Variants in FGF12 observed in about 807,000 individuals in gnomAD.
FGF12 encodes fibroblast growth factor 12, also known as fibroblast growth factor 12B.
In FGF12, 14 loss-of-function variants were observed where a neutral mutation model predicts 23.6. The ratio of observed to expected loss-of-function variants is 0.59; its 90% CI spans 0.39 to 0.93. FGF12 has a LOEUF of 0.93. Among genes scored for constraint, FGF12 ranks in the 40% least tolerant of loss-of-function variants. The pLI, the probability that FGF12 is intolerant of heterozygous loss-of-function variation, is 0.00. For synonymous variants in FGF12, 62 were observed against 77.3 expected (o/e 0.80, Z 1.04); for missense variants, 175 against 217.8 (o/e 0.80, Z 1.24).
At chr3:192,185,516 T>TTTACA (rs1716406489) in intron 4 of FGF12, among the ~76,000 whole-genome samples, 1 of 152,016 alleles carries the variant, frequency 6.6e-6, no homozygotes, top group African/African-American at 2.4e-5. Context: ...AACTCAACTG[T>TTTACA]TTACATTTTC....
At chr3:192,594,754 G>A (rs1320722062) in intron 2 of FGF12, among the ~76,000 whole-genome samples, 1 of 151,890 alleles carries the variant, frequency 6.6e-6, no homozygotes, top group Admixed American at 6.6e-5. Context: ...TTATGATGCC[G>A]TAAGAAGGTT....
chr3:192,276,214 ACG>A (rs1198378967), intron 4 of FGF12, among the ~76,000 whole-genome samples: 2 of 129,092 alleles, frequency 1.5e-5, no homozygotes, highest in South Asian at 3.1e-4. Flanking sequence ...AATATAGTCC[ACG>A]TGTTTAAGCA....
intron 2 of FGF12, among the ~76,000 whole-genome samples, chr3:192,485,895 T>G (rs1278646903): frequency 6.6e-6 from 1 of 152,194 alleles, no homozygotes; most frequent in Non-Finnish European, 1.5e-5. Flanking sequence ...CTGTATAGAC[T>G]TGTTTATAAT....
chr3:192,317,830 G>C (rs1256354571), intron 4 of FGF12, among the ~76,000 whole-genome samples: 1 of 152,170 alleles, frequency 6.6e-6, no homozygotes, highest in Non-Finnish European at 1.5e-5. Context: ...AGTGGTGGTG[G>C]CCACAGGGGT....
At chr3:192,418,525 G>T (rs1721424215) in intron 2 of FGF12, among the ~76,000 whole-genome samples, 1 of 152,068 alleles carries the variant, frequency 6.6e-6, no homozygotes, top group Non-Finnish European at 1.5e-5. Context: ...CGAAGGATAG[G>T]GTAGGGAATA....
At chr3:192,512,821 A>T (rs1206520298) in intron 2 of FGF12, among the ~76,000 whole-genome samples, 2 of 45,496 alleles carry the variant, frequency 4.4e-5, no homozygotes, top group Admixed American at 2.3e-4. Flanking sequence ...TTAAACCTAG[A>T]GTATACTCAA....
At chr3:192,524,236 G>C (rs937591962) in intron 2 of FGF12, among the ~76,000 whole-genome samples, 1 of 152,130 alleles carries the variant, frequency 6.6e-6, no homozygotes, top group Non-Finnish European at 1.5e-5. Flanking sequence ...TTGATAATAG[G>C]CATAGAAATT....
chr3:192,544,484 AT>A (rs897035511), intron 2 of FGF12, among the ~76,000 whole-genome samples: 2 of 152,136 alleles, frequency 1.3e-5, no homozygotes, highest in Admixed American at 1.3e-4. Flanking sequence ...TGATATTTTA[AT>A]TTTTAGAAGG....
intron 4 of FGF12, among the ~76,000 whole-genome samples, chr3:192,330,354 A>C (rs1717043400): frequency 6.6e-6 from 1 of 152,170 alleles, no homozygotes; most frequent in African/African-American, 2.4e-5. Context: ...TGGTAATCGA[A>C]CAGTATGGTA....
intron 4 of FGF12, among the ~76,000 whole-genome samples, chr3:192,181,588 T>C (rs1353346003): frequency 6.6e-6 from 1 of 151,228 alleles, no homozygotes; most frequent in Non-Finnish European, 1.5e-5. Context: ...GTAGAAAAGA[T>C]CACAAGGTCG....
At chr3:192,660,054 C>T (rs1560185097) in intron 2 of FGF12, among the ~76,000 whole-genome samples, 1 of 151,916 alleles carries the variant, frequency 6.6e-6, no homozygotes, top group Admixed American at 6.6e-5. Flanking sequence ...TAAAGACACA[C>T]ACACACGTAT....
At chr3:192,228,818 AAG>A (rs1718869070) in intron 4 of FGF12, among the ~76,000 whole-genome samples, 1 of 152,248 alleles carries the variant, frequency 6.6e-6, no homozygotes, top group Non-Finnish European at 1.5e-5. Flanking sequence ...TACAGGATTT[AAG>A]AAATTATTCC....
intron 2 of FGF12, among the ~76,000 whole-genome samples, chr3:192,493,570 A>T (rs1723863527): frequency 6.6e-6 from 1 of 152,154 alleles, no homozygotes. Flanking sequence ...AAGTGGTTTA[A>T]TTGGCTCACA....
At chr3:192,698,251 C>T (rs1173684705) in intron 2 of FGF12, among the ~76,000 whole-genome samples, 2 of 152,158 alleles carry the variant, frequency 1.3e-5, no homozygotes, top group Non-Finnish European at 2.9e-5. Context: ...AATGTGCATG[C>T]TCATCAAAAC....
At chr3:192,288,517 A>G (rs1714583034) in intron 4 of FGF12, among the ~76,000 whole-genome samples, 1 of 152,072 alleles carries the variant, frequency 6.6e-6, no homozygotes, top group South Asian at 2.1e-4. Flanking sequence ...GATGAAATTT[A>G]TATTTAAAAT....
At chr3:192,465,554 G>A (rs1722986452) in intron 2 of FGF12, among the ~76,000 whole-genome samples, 1 of 152,160 alleles carries the variant, frequency 6.6e-6, no homozygotes, top group Non-Finnish European at 1.5e-5. Flanking sequence ...TGGAAACTTG[G>A]TCGATGGAGA....
At chr3:192,446,914 C>T (rs1722371051) in intron 2 of FGF12, among the ~76,000 whole-genome samples, 1 of 152,212 alleles carries the variant, frequency 6.6e-6, no homozygotes. Flanking sequence ...CGTCCACCAT[C>T]ACGTGTCCTG....
intron 4 of FGF12, among the ~76,000 whole-genome samples, chr3:192,250,434 A>T (rs1577280797): frequency 6.6e-6 from 1 of 152,262 alleles, no homozygotes; most frequent in East Asian, 1.9e-4. Context: ...CATTTAATTA[A>T]CCACTTAATA....
intron 2 of FGF12, among the ~76,000 whole-genome samples, chr3:192,573,439 C>A (rs1220346621): frequency 6.6e-6 from 1 of 152,186 alleles, no homozygotes; most frequent in East Asian, 1.9e-4. Flanking sequence ...GGGCCTCATC[C>A]AATCAGTTGA....
Sources: allele counts gnomAD v4.1 joint callset (sites outside exome capture counted in the v4.1 genomes callset), GRCh38; gene constraint gnomAD v4.1.1; transcripts MANE v1.5; gene names NCBI Gene and HGNC (gene_info 2026-07-23, HGNC 2026-07-21).